PDE1C: variants seen among roughly 807,000 people sequenced by gnomAD.
PDE1C encodes phosphodiesterase 1C.
In PDE1C, 62 loss-of-function variants were observed where a neutral mutation model predicts 93.1. The ratio of observed to expected loss-of-function variants is 0.67; its 90% CI spans 0.54 to 0.82. The LOEUF (loss-of-function observed/expected upper bound fraction) is 0.82. PDE1C is among the 40% of genes least tolerant of loss of function. The probability of loss-of-function intolerance (pLI) is 0.00; values close to 1 mark genes in which losing one functional copy is unlikely to be tolerated. For missense variants in PDE1C, 742 were observed against 884.6 expected, an observed-to-expected ratio of 0.84 and a Z score of 2.04; for synonymous variants, 325 against 310.1, an observed-to-expected ratio of 1.05 and a Z score of -0.50.
At chr7:31,995,475 C>T (rs1347084189) in intron 2 of PDE1C, among the ~76,000 whole-genome samples, 1 of 152,186 alleles carries the variant, frequency 6.6e-6, no homozygotes, top group African/African-American at 2.4e-5. Context: ...AACTCTACAT[C>T]TAAATCCATT....
In PDE1C at chr7:32,223,311, T is replaced by C. The variant is rs1001106780; in HGVS notation, c.86-13772A>G. Among the ~76,000 whole-genome samples, 9 of 152,344 alleles carry C rather than the reference T, an allele frequency of 5.9e-5. No homozygotes were observed. In the East Asian group the frequency reaches 1.7e-3, roughly 29 times the overall value. ...CCTGACAGACCGTTCCACGTGCACT[T>C]ACATGTGCAAACTCATGCAGTCTTT... is the stretch of plus-strand genomic sequence containing the variant. On this transcript the variant is annotated intron_variant, in intron 1 of 18. Transcript: ENST00000396193.
At chr7:32,261,643 A>G (rs1005298944) in intron 1 of PDE1C, among the ~76,000 whole-genome samples, 15 of 152,214 alleles carry the variant, frequency 9.9e-5, no homozygotes, top group African/African-American at 3.6e-4. Context: ...ATGATGTATG[A>G]GTTCACTGTT....
chr7:31,636,825 C>T, the PDE1C span, among the ~76,000 whole-genome samples: 1 of 150,726 alleles, frequency 6.6e-6, no homozygotes, highest in South Asian at 2.1e-4. Flanking sequence ...TGTGCTGCAC[C>T]CATTAACTCA....
intron 6 of PDE1C, among the ~76,000 whole-genome samples, chr7:31,865,565 G>A (rs1279936305): frequency 1.3e-5 from 2 of 152,140 alleles, no homozygotes; most frequent in Non-Finnish European, 2.9e-5. Context: ...CTAATAATTA[G>A]TAACCATTTG....
At chr7:31,784,452 G>A (rs894354238) in intron 16 of PDE1C, 3 of 151,994 alleles carry the variant, frequency 2.0e-5, no homozygotes, top group Admixed American at 6.6e-5. Flanking sequence ...TATCCCCAGC[G>A]ACCTTTGACA....
At chr7:32,071,102 C>T, upstream of PDE1C, 1 of 985,518 alleles carries the variant, frequency 1.0e-6, no homozygotes, top group Middle Eastern at 5.2e-4. Flanking sequence ...CGCCGTCTGC[C>T]GGGCACACGC....
At chr7:32,052,937 A>G (rs968214093) in intron 1 of PDE1C, among the ~76,000 whole-genome samples, 2 of 152,244 alleles carry the variant, frequency 1.3e-5, no homozygotes, top group East Asian at 3.9e-4. Context: ...AGTGAGCATT[A>G]TAACAGAAAA....
chr7:32,100,574 T>C (rs1321992450), intron 3 of PDE1C, among the ~76,000 whole-genome samples: 3 of 152,206 alleles, frequency 2.0e-5, no homozygotes, highest in Non-Finnish European at 2.9e-5. Context: ...GAGTCAAACA[T>C]TGATCAGCCT....
At chr7:32,032,691 A>G (rs985789202) in intron 2 of PDE1C, among the ~76,000 whole-genome samples, 2 of 152,230 alleles carry the variant, frequency 1.3e-5, no homozygotes, top group Non-Finnish European at 2.9e-5. Flanking sequence ...AGGGCTGTGC[A>G]CACAGACAGT....
intron 2 of PDE1C, among the ~76,000 whole-genome samples, chr7:32,042,400 C>G (rs1469673270): frequency 6.6e-6 from 1 of 152,212 alleles, no homozygotes. Context: ...TGCCTTTAAA[C>G]CCTGGCCCGA....
intron 2 of PDE1C, among the ~76,000 whole-genome samples, chr7:32,200,335 TA>T (rs1239662960): frequency 2.0e-5 from 3 of 152,324 alleles, no homozygotes; most frequent in African/African-American, 7.2e-5. Flanking sequence ...CTGCCATTAG[TA>T]GCCCAGAACT....
At chr7:32,360,760 T>TA (rs1182541856) in intron 1 of PDE1C, among the ~76,000 whole-genome samples, 4 of 152,208 alleles carry the variant, frequency 2.6e-5, no homozygotes, top group Non-Finnish European at 5.9e-5. Context: ...CTTTAGGAGA[T>TA]AGAAAGAAAA....
the PDE1C span, among the ~76,000 whole-genome samples, chr7:31,699,262 A>G: frequency 6.6e-6 from 1 of 151,990 alleles, no homozygotes; most frequent in African/African-American, 2.4e-5. Context: ...CTCATTTAAC[A>G]CTGAGTCAAC....
intron 16 of PDE1C, chr7:31,786,423 T>C (rs1211163875): frequency 1.3e-5 from 2 of 152,180 alleles, no homozygotes; most frequent in Non-Finnish European, 2.9e-5. Context: ...AAGCTATTTG[T>C]GTGAGTAGGG....
intron 1 of PDE1C, among the ~76,000 whole-genome samples, chr7:32,285,037 A>C (rs965615914): frequency 6.6e-6 from 1 of 152,118 alleles, no homozygotes; most frequent in Admixed American, 6.5e-5. Flanking sequence ...CTCAAAAAAA[A>C]AAAAAAGAAA....
the PDE1C span, among the ~76,000 whole-genome samples, chr7:31,732,513 T>C: frequency 0.99 from 151,147 of 152,292 alleles, 75,011 homozygotes; most frequent in East Asian, 1. Flanking sequence ...AGGACTGCAG[T>C]ATAGAAACTT....
chr7:31,816,782 A>G (rs1788322315), intron 14 of PDE1C, among the ~76,000 whole-genome samples: 1 of 152,184 alleles, frequency 6.6e-6, no homozygotes, highest in Non-Finnish European at 1.5e-5. Flanking sequence ...AGCCTTATGA[A>G]AAAAACATGG....
At chr7:31,947,302 A>G (rs1203049651) in intron 2 of PDE1C, among the ~76,000 whole-genome samples, 1 of 152,208 alleles carries the variant, frequency 6.6e-6, no homozygotes, top group Non-Finnish European at 1.5e-5. Context: ...ACTGACTTAA[A>G]TGTTAATCTC....
rs549137327 is a variant in PDE1C at position 32,104,562 on chromosome 7, G to GT, written c.308+65222dup. Among the ~76,000 whole-genome samples, 271 of 152,218 alleles carry GT rather than the reference G, an allele frequency of 1.8e-3. 1 individual carries two copies. The highest frequency in any genetic ancestry group is 6.2e-3 in the African/African-American group (258 of 41,552). ...ACTTTTCTCCTGATTTGGATTTTCTGTTTTTTGGGTCCCATGTCAAAATGA... is the reference window on the plus strand; with the variant it reads ...ACTTTTCTCCTGATTTGGATTTTCTGTTTTTTTGGGTCCCATGTCAAAATGA... On this transcript the variant is annotated intron_variant, in intron 3 of 18. Coordinates refer to the PDE1C transcript ENST00000396193.
Sources: allele counts gnomAD v4.1 joint callset (sites outside exome capture counted in the v4.1 genomes callset), GRCh38; gene constraint gnomAD v4.1.1; transcripts MANE v1.5; gene names NCBI Gene and HGNC (gene_info 2026-07-23, HGNC 2026-07-21).